The following ASH2L variants were observed in gnomAD, a reference collection of about 807,000 sequenced individuals.
ASH2L encodes the protein set1/Ash2 histone methyltransferase complex subunit ASH2.
Under a neutral mutation model 81.1 loss-of-function variants are expected in ASH2L, and 30 were observed. The ratio of observed to expected loss-of-function variants is 0.37; its 90% confidence interval spans 0.28 to 0.50. The LOEUF (loss-of-function observed/expected upper bound fraction) is 0.50, where lower values mean the gene tolerates loss of function less well. Among genes scored for constraint, ASH2L ranks in the 20% least tolerant of loss-of-function variants. ASH2L has a pLI of 0.95. For missense variants in ASH2L, 559 were observed against 792.1 expected (o/e 0.71, Z 3.53); for synonymous variants, 273 against 279.9 (o/e 0.98, Z 0.24).
intron 14 of ASH2L, among the ~76,000 whole-genome samples, chr8:38,137,084 C>A (rs538626703): frequency 2.5e-4 from 36 of 146,810 alleles, no homozygotes; most frequent in Admixed American, 8.2e-4. Flanking sequence ...TAGAGTGAGA[C>A]TCCGTCTCAA....
At chr8:38,106,509 T>G in intron 2 of ASH2L, 65 bp downstream of exon 2, 1 of 1,061,458 alleles carries the variant, frequency 9.4e-7, no homozygotes, top group Non-Finnish European at 1.3e-6. Flanking sequence ...TCTTCTTCTT[T>G]TTTTTTTTTT....
intron 10 of ASH2L, among the ~76,000 whole-genome samples, 184 bp downstream of exon 10, chr8:38,121,333 TTATATA>T (rs71216649): frequency 2.6e-3 from 153 of 59,616 alleles, no homozygotes; most frequent in African/African-American, 6.0e-3. Context: ...GCCGTTTTAT[TTATATA>T]TATATATATA....
At chr8:38,110,686 T>C in intron 4 of ASH2L, 53 bp from the exon 5 acceptor site, 1 of 1,417,836 alleles carries the variant, frequency 7.1e-7, no homozygotes, top group Non-Finnish European at 9.9e-7. Context: ...ATTCCCTTGG[T>C]AGTAGAGATG....
intron 3 of ASH2L, among the ~76,000 whole-genome samples, chr8:38,107,545 C>CCTGAA (rs1222527243): frequency 2.6e-5 from 4 of 152,140 alleles, no homozygotes; most frequent in African/African-American, 9.7e-5. Flanking sequence ...TTTGAGATGA[C>CCTGAA]CCATGCTCTT....
At chr8:38,126,603 C>A (rs558792942) in intron 10 of ASH2L, among the ~76,000 whole-genome samples, 285 of 152,186 alleles carry the variant, frequency 1.9e-3, no homozygotes, top group African/African-American at 6.6e-3. Flanking sequence ...GCCTGTAATC[C>A]CAGCACTTTG....
intron 12 of ASH2L, among the ~76,000 whole-genome samples, chr8:38,131,826 CTTT>C (rs1371938957): frequency 7.2e-6 from 1 of 139,752 alleles, no homozygotes; most frequent in Non-Finnish European, 1.6e-5. Flanking sequence ...GCTTTTTGGG[CTTT>C]TTTTTTTTTT....
At chr8:38,125,111 A>G (rs1242154497) in intron 10 of ASH2L, among the ~76,000 whole-genome samples, 1 of 152,170 alleles carries the variant, frequency 6.6e-6, no homozygotes, top group Non-Finnish European at 1.5e-5. Context: ...AACACCTCCC[A>G]TCAGACCACA....
At position 38,135,733 on chromosome 8, in the gene ASH2L, C is replaced by A; in HGVS notation, c.1686C>A (p.Tyr562Ter). 6.2e-7 allele frequency: 1 copy of A among 1,613,156 alleles called. No individual in the cohort carries two copies. Among genetic ancestry groups the A allele is most frequent in the Non-Finnish European group, 8.5e-7 (1 of 1,179,566 alleles). The change falls in exon 14 of 16, where the codon TAC (tyrosine) becomes TAA (stop). Residue 562 changes from tyrosine to a stop codon, truncating the protein, a stop_gained. Coordinates refer to ENST00000343823, the MANE Select transcript of ASH2L (RefSeq NM_004674.5). LOFTEE classifies it high-confidence loss of function. ...VAYKDIFEGV[Y>*]FPAISLYKSC... is the part of the protein sequence containing the mutation. ...ACAAAGATATTTTTGAGGGGGTTTA[C>A]TTCCCAGCCATCTCACTGTACAAGA...
rs1172614403 is a variant in ASH2L, at chr8:38,138,868, A to T, written c.1772A>T (p.Tyr591Phe). Residue 591 changes from tyrosine to phenylalanine, a missense_variant, in exon 15 of 16, where the codon TAC becomes TTC. Around this residue, in one of 4 missense-constraint regions of ASH2L, gnomAD observed 95 missense variants for 130.7 expected, o/e 0.73. Coordinates refer to ENST00000343823, the MANE Select transcript of ASH2L (RefSeq NM_004674.5). ...CFKYPPKDLTYRPMSDMGWGA... is the reference protein window; with the variant it reads ...CFKYPPKDLTFRPMSDMGWGA... ...AAGTATCCTCCGAAGGATCTCACTT[A>T]CCGCCCTGTGAGTAACATTACAAAT... is the stretch of plus-strand genomic sequence containing the variant. The T allele has an allele frequency of 1.9e-6, 3 of 1,613,982 alleles. No homozygotes were observed. In the East Asian group the frequency reaches 6.7e-5, roughly 36 times the overall value.
intron 13 of ASH2L, 91 bp from the exon 14 acceptor site, chr8:38,135,577 C>A: frequency 3.5e-6 from 3 of 850,752 alleles, no homozygotes; most frequent in South Asian, 1.7e-5. Context: ...AGCAGTCTGG[C>A]AGCAGCACTT....
At chr8:38,106,110 G>T in intron 1 of ASH2L, 1 of 1,526,206 alleles carries the variant, frequency 6.6e-7, no homozygotes, top group South Asian at 1.2e-5. Flanking sequence ...GCCTCTCTTT[G>T]AACCTCTCCC....
intron 10 of ASH2L, among the ~76,000 whole-genome samples, chr8:38,126,456 T>G (rs6999212): frequency 6.6e-6 from 1 of 152,264 alleles, no homozygotes; most frequent in Non-Finnish European, 1.5e-5. Flanking sequence ...AATAGTATTA[T>G]TGTTAATTTT....
intron 5 of ASH2L, among the ~76,000 whole-genome samples, chr8:38,111,150 C>T (rs1389648708): frequency 6.6e-6 from 1 of 152,030 alleles, no homozygotes; most frequent in African/African-American, 2.4e-5. Context: ...TGGCCAGGCT[C>T]ATCTCCAACT....
rs574762008 is a variant in ASH2L at position 38,126,711 on chromosome 8, G to A, written c.1166-1580G>A. ...CTACTGAAAATATAAAAAATTAGCC[G>A]GGCGTGGTGGCGGGCACCTGTAATC... On this transcript the variant is annotated intron_variant, in intron 10 of 15. Transcript: ENST00000343823. Among the ~76,000 whole-genome samples the A allele has an allele frequency of 1.3e-3, 195 of 151,606 alleles. 1 individual carries two copies. The highest frequency in any genetic ancestry group is 4.3e-3 in the African/African-American group (179 of 41,298).
At chr8:38,124,041 A>C (rs929463067) in intron 10 of ASH2L, 1 of 151,738 alleles carries the variant, frequency 6.6e-6, no homozygotes, top group African/African-American at 2.4e-5. Context: ...GGGTTTCGTC[A>C]TGTTGGCCGG....
Position 38,106,976 on chromosome 8 carries a change from T to C in ASH2L, c.256-45T>C, listed in dbSNP as rs778209374. 3.1e-6 allele frequency: 5 copies of C among 1,608,666 alleles called. No homozygotes were observed. In the African/African-American group the frequency reaches 6.7e-5, roughly 22 times the overall value. The stretch of plus-strand genomic sequence containing the variant: ...CTTAAAAAAATAAAATAAAGTAAAA[T>C]ACATTCAAGTCAACTGATTTGAGTC... On this transcript the variant is annotated intron_variant, in intron 2 of 15. Transcript: ENST00000343823.
In ASH2L at chr8:38,105,529, G is replaced by C; in HGVS notation, c.-22G>C. On this transcript the variant is annotated 5_prime_UTR_variant, in exon 1 of 16. Transcript: ENST00000343823. ...GCGCGAGAGAAGAGAGTATTCTCGC[G>C]AGAAGTCCAGGGGTGGCCGTGATGG... 1 of 1,532,078 alleles carries C rather than the reference G, an allele frequency of 6.5e-7. No homozygotes were observed. Among genetic ancestry groups the C allele is most frequent in the Non-Finnish European group, 8.8e-7 (1 of 1,140,316 alleles). 94.9% of individuals were successfully genotyped at this position (1,532,078 alleles called of 1,614,324 possible).
intron 8 of ASH2L, 99 bp downstream of exon 8, chr8:38,116,824 A>G (rs1810923560): frequency 2.0e-6 from 2 of 980,278 alleles, no homozygotes; most frequent in Middle Eastern, 2.1e-4. Context: ...TAACCTGGAT[A>G]CTTACTAAAA....
At chr8:38,124,889 C>T (rs987593245) in intron 10 of ASH2L, among the ~76,000 whole-genome samples, 3 of 152,162 alleles carry the variant, frequency 2.0e-5, no homozygotes, top group Non-Finnish European at 2.9e-5. Flanking sequence ...ATGGCACCAG[C>T]GCTTGCTTCT....
Sources: allele counts gnomAD v4.1 joint callset (sites outside exome capture counted in the v4.1 genomes callset), GRCh38; gene constraint gnomAD v4.1.1; regional missense constraint gnomAD v4.1.1; transcripts MANE v1.5; gene names NCBI Gene and HGNC (gene_info 2026-07-23, HGNC 2026-07-21).